The following USH2A variants were observed in gnomAD, a reference collection of about 807,000 sequenced individuals.
The protein encoded by USH2A is usherin.
Under a neutral mutation model 538.9 loss-of-function variants are expected in USH2A, and 443 were observed. The ratio of observed to expected loss-of-function variants is 0.82; its 90% CI spans 0.76 to 0.89. The LOEUF (loss-of-function observed/expected upper bound fraction) is 0.89. Among genes scored for constraint, USH2A ranks in the 40% least tolerant of loss-of-function variants. USH2A has a pLI of 0.00. For missense variants in USH2A, 6,633 were observed against 6,324.8 expected (o/e 1.05, Z -1.65); for synonymous variants, 2,413 against 2,273.5 (o/e 1.06, Z -1.75).
chr1:215,977,918 G>A (rs996546082), intron 35 of USH2A, among the ~76,000 whole-genome samples: 5 of 152,130 alleles, frequency 3.3e-5, no homozygotes. Flanking sequence ...TTGAGTCTAG[G>A]AGTTCGAGAC....
At chr1:216,412,812 C>T (rs1307230026) in intron 3 of USH2A, among the ~76,000 whole-genome samples, 1 of 151,518 alleles carries the variant, frequency 6.6e-6, no homozygotes, top group Non-Finnish European at 1.5e-5. Flanking sequence ...GTCAGAGAAG[C>T]TTGGGACTAT....
chr1:215,825,896 C>G (rs139228973), intron 47 of USH2A, among the ~76,000 whole-genome samples: 1 of 152,254 alleles, frequency 6.6e-6, no homozygotes, highest in East Asian at 1.9e-4. Flanking sequence ...AACCCATGTT[C>G]TTTTAATAAA....
At chr1:215,916,003 C>T (rs928908450) in intron 38 of USH2A, among the ~76,000 whole-genome samples, 26 of 129,604 alleles carry the variant, frequency 2.0e-4, no homozygotes, top group African/African-American at 5.1e-4. Flanking sequence ...CACATGGACA[C>T]ATGAAGGGGA....
chr1:215,630,490 A>G (rs933615164), intron 70 of USH2A, among the ~76,000 whole-genome samples: 62 of 29,968 alleles, frequency 2.1e-3, no homozygotes, highest in African/African-American at 3.5e-3. Context: ...GTGTATATAT[A>G]TATATATATA....
intron 37 of USH2A, among the ~76,000 whole-genome samples, chr1:215,946,250 A>G (rs1324574225): frequency 6.6e-6 from 1 of 152,216 alleles, no homozygotes; most frequent in East Asian, 1.9e-4. Context: ...AGAAGCTAGA[A>G]CAAAACATGG....
chr1:216,140,411 T>C (rs2033579065), intron 21 of USH2A, among the ~76,000 whole-genome samples: 1 of 152,214 alleles, frequency 6.6e-6, no homozygotes, highest in Admixed American at 6.5e-5. Context: ...CTTAGACATC[T>C]GTATATTTTA....
chr1:216,322,544 T>A (rs1571699914), intron 8 of USH2A, among the ~76,000 whole-genome samples: 1 of 149,378 alleles, frequency 6.7e-6, no homozygotes, highest in Non-Finnish European at 1.5e-5. Flanking sequence ...GAAGTCGAGG[T>A]TGCAACGAGC....
At chr1:216,145,967 C>G (rs1457934906) in intron 21 of USH2A, among the ~76,000 whole-genome samples, 2 of 152,198 alleles carry the variant, frequency 1.3e-5, no homozygotes, top group African/African-American at 4.8e-5. Context: ...TTTTCGGACT[C>G]AGCCCACCTG....
intron 2 of USH2A, among the ~76,000 whole-genome samples, chr1:216,420,137 C>T (rs1424966348): frequency 6.6e-6 from 1 of 151,846 alleles, no homozygotes; most frequent in African/African-American, 2.4e-5. Flanking sequence ...TTTATCCCTA[C>T]CCATCAGGTC....
rs749121941 is a variant in USH2A at position 215,782,902 on chromosome 1, T to C, written c.10421A>G (p.Tyr3474Cys). 5 of 1,613,654 alleles carry C rather than the reference T, an allele frequency of 3.1e-6. No homozygotes were observed. Among genetic ancestry groups the C allele is most frequent in the African/African-American group, 1.3e-5 (1 of 74,886 alleles). Residue 3474 changes from tyrosine (Y) to cysteine (C), a missense_variant, in exon 53 of 72, where the codon TAC becomes TGC. Physicochemically the swap from Tyr to Cys is radical, Grantham distance 194. Coordinates refer to ENST00000307340, the MANE Select transcript of USH2A (RefSeq NM_206933.4). The part of the protein sequence containing the change: ...VNLKPYMTYE[Y>C]RISAWNSYGR... ...ATAGCTGTTCCAGGCAGAAATCCTG[T>C]ACTCATATGTCATGTAGGGCTTGAG...
At chr1:215,904,567 C>T (rs1665584706) in intron 38 of USH2A, among the ~76,000 whole-genome samples, 1 of 151,944 alleles carries the variant, frequency 6.6e-6, no homozygotes, top group South Asian at 2.1e-4. Context: ...AACTGGGAGC[C>T]AGCCATAATT....
chr1:215,757,105 T>C (rs543649184), intron 58 of USH2A, among the ~76,000 whole-genome samples: 1 of 152,226 alleles, frequency 6.6e-6, no homozygotes, highest in Non-Finnish European at 1.5e-5. Flanking sequence ...ATAAAGATTA[T>C]AGCACTTTGT....
intron 47 of USH2A, 88 bp from the exon 48 acceptor site, chr1:215,817,283 A>G (rs1662885924): frequency 6.3e-6 from 5 of 792,090 alleles, no homozygotes; most frequent in South Asian, 4.7e-5. Context: ...GCAGCAATAG[A>G]TACTAATATA....
chr1:216,071,813 T>G (rs531174504), intron 29 of USH2A, among the ~76,000 whole-genome samples: 2 of 152,334 alleles, frequency 1.3e-5, no homozygotes, highest in Admixed American at 1.3e-4. Flanking sequence ...TATTTTATAT[T>G]GGAGCTTTCT....
intron 63 of USH2A, among the ~76,000 whole-genome samples, chr1:215,673,628 T>C (rs1199414691): frequency 2.6e-5 from 4 of 152,204 alleles, no homozygotes; most frequent in South Asian, 2.1e-4. Flanking sequence ...GAAGAAGTGC[T>C]GGATTTGATA....
intron 21 of USH2A, among the ~76,000 whole-genome samples, chr1:216,120,246 A>AAAAAAAAAAG: frequency 7.5e-6 from 1 of 133,446 alleles, no homozygotes; most frequent in Non-Finnish European, 1.6e-5. Flanking sequence ...AAAAAAAAAA[A>AAAAAAAAAAG]AAAAATGGCT....
At chr1:216,306,461 C>T (rs1274370409) in intron 9 of USH2A, among the ~76,000 whole-genome samples, 1 of 152,126 alleles carries the variant, frequency 6.6e-6, no homozygotes, top group Non-Finnish European at 1.5e-5. Context: ...ACCTTTGGTG[C>T]CTCCTTCAGT....
At chr1:215,911,369 C>T (rs1665777188) in intron 38 of USH2A, among the ~76,000 whole-genome samples, 1 of 151,934 alleles carries the variant, frequency 6.6e-6, no homozygotes, top group Admixed American at 6.6e-5. Flanking sequence ...CTCTTCCCAG[C>T]CTCTGGTAAC....
chr1:215,650,914 A>C, intron 64 of USH2A, 113 bp from the exon 65 acceptor site: 1 of 1,115,296 alleles, frequency 9.0e-7, no homozygotes, highest in East Asian at 2.5e-5. Flanking sequence ...AACTAAACAC[A>C]ACAGGAAGAG....
Sources: gnomAD v4.1 joint callset for allele counts (sites outside exome capture counted in the v4.1 genomes callset) on GRCh38, gnomAD v4.1.1 for gene constraint, MANE v1.5 for transcripts, NCBI Gene and HGNC (gene_info 2026-07-23, HGNC 2026-07-21) for gene names.